VTI1A: variants seen among roughly 807,000 people sequenced by gnomAD.
The protein encoded by VTI1A is vesicle transport through interaction with t-SNAREs homolog 1A.
VTI1A carries 22 observed loss-of-function variants against 34.9 expected under a neutral mutation model. The observed-to-expected ratio is 0.63, with a 90% confidence interval of 0.45 to 0.90. The LOEUF (loss-of-function observed/expected upper bound fraction) is 0.90. Ranked by LOEUF, VTI1A falls within the 40% of genes least tolerant of loss-of-function variation. VTI1A has a pLI of 0.00. For missense variants in VTI1A, 268 were observed against 275.6 expected (o/e 0.97, Z 0.20); for synonymous variants, 87 against 97.3 (o/e 0.89, Z 0.62).
intron 7 of VTI1A, among the ~76,000 whole-genome samples, chr10:112,727,143 GC>G (rs921726113): frequency 6.6e-6 from 1 of 151,980 alleles, no homozygotes; most frequent in South Asian, 2.1e-4. Flanking sequence ...ATGCAAAAAG[GC>G]CCCCCCATCA....
At chr10:112,665,363 G>T (rs1590044854) in intron 5 of VTI1A, among the ~76,000 whole-genome samples, 1 of 150,930 alleles carries the variant, frequency 6.6e-6, no homozygotes, top group African/African-American at 2.4e-5. Context: ...TTCCGTAATA[G>T]TAATCATTGT....
intron 1 of VTI1A, among the ~76,000 whole-genome samples, chr10:112,459,234 A>G (rs111391167): frequency 1.3e-5 from 2 of 151,852 alleles, no homozygotes; most frequent in Non-Finnish European, 2.9e-5. Context: ...AACTAACTAT[A>G]TCTCTCTCTC....
At chr10:112,718,999 G>T (rs1849703096) in intron 7 of VTI1A, among the ~76,000 whole-genome samples, 1 of 152,214 alleles carries the variant, frequency 6.6e-6, no homozygotes, top group Non-Finnish European at 1.5e-5. Context: ...CTAGAGGTCA[G>T]TGTTTTCAAT....
intron 3 of VTI1A, among the ~76,000 whole-genome samples, chr10:112,488,670 G>C (rs1848725534): frequency 6.6e-6 from 1 of 152,064 alleles, no homozygotes; most frequent in Non-Finnish European, 1.5e-5. Context: ...AGTCATGCAG[G>C]ACTCTGGCTT....
chr10:112,762,583 C>T (rs1851505244), intron 7 of VTI1A, among the ~76,000 whole-genome samples: 1 of 152,200 alleles, frequency 6.6e-6, no homozygotes, highest in Admixed American at 6.5e-5. Flanking sequence ...ATAACTTCAA[C>T]AGGACTGACT....
intron 5 of VTI1A, among the ~76,000 whole-genome samples, chr10:112,577,373 AC>A (rs990459716): frequency 6.6e-6 from 1 of 152,230 alleles, no homozygotes; most frequent in Non-Finnish European, 1.5e-5. Flanking sequence ...AGTTAGACAT[AC>A]CAGTCAAGCT....
the VTI1A span, among the ~76,000 whole-genome samples, chr10:112,854,416 G>A: frequency 6.6e-6 from 1 of 152,170 alleles, no homozygotes; most frequent in Non-Finnish European, 1.5e-5. Flanking sequence ...AGGTCTCCCT[G>A]ACTCCAAAGC....
Position 112,447,323 on chromosome 10 carries a change from G to A in VTI1A, c.-51G>A. The A allele has an allele frequency of 6.3e-7, 1 of 1,581,024 alleles. No individual in the cohort carries two copies. The highest frequency in any genetic ancestry group is 8.6e-7 in the Non-Finnish European group (1 of 1,161,316). On this transcript the variant is annotated 5_prime_UTR_variant, in exon 1 of 8. Transcript: ENST00000393077. ...GCGGGGCCCCTCGCTGCCCCTCGAG[G>A]CCCTTTCCCTGACCTAGGCTTTGGC...
chr10:112,837,458 C>T, the VTI1A span, among the ~76,000 whole-genome samples: 10 of 152,170 alleles, frequency 6.6e-5, no homozygotes, highest in East Asian at 1.9e-4. Context: ...GATTTCCAGG[C>T]GTGGTTGCGT....
At chr10:112,604,402 A>T (rs1844993829) in intron 5 of VTI1A, among the ~76,000 whole-genome samples, 1 of 152,114 alleles carries the variant, frequency 6.6e-6, no homozygotes, top group East Asian at 1.9e-4. Context: ...TCTCTATCCT[A>T]TTCTTCTCTT....
chr10:112,450,516 A>G (rs1465608866), intron 1 of VTI1A: 1 of 152,230 alleles, frequency 6.6e-6, no homozygotes, highest in East Asian at 1.9e-4. Context: ...CAGCCAAAGC[A>G]GTTAATTCCC....
At chr10:112,624,744 T>G (rs941004633) in intron 5 of VTI1A, among the ~76,000 whole-genome samples, 2 of 152,218 alleles carry the variant, frequency 1.3e-5, no homozygotes, top group African/African-American at 4.8e-5. Context: ...CGATATGTTT[T>G]CTGCCAAATA....
At position 112,506,579 on chromosome 10, in the gene VTI1A, C is replaced by G. The variant is rs182923221; in HGVS notation, c.265-20508C>G. Among the ~76,000 whole-genome samples, 683 of 152,304 alleles carry G rather than the reference C, an allele frequency of 4.5e-3. 4 individuals carry two copies. The highest frequency in any genetic ancestry group is 6.2e-3 in the Non-Finnish European group (422 of 68,010). On this transcript the variant is annotated intron_variant, in intron 3 of 7. Transcript: ENST00000393077. Reference sequence around the variant, plus strand: ...CGTTACACACTGGAATTCCATTCACCTGTCTCTCACCATTTTGCTCTTGTT... The same window carrying G: ...CGTTACACACTGGAATTCCATTCACGTGTCTCTCACCATTTTGCTCTTGTT...
At chr10:112,658,504 T>C (rs1046763691) in intron 5 of VTI1A, among the ~76,000 whole-genome samples, 1 of 152,188 alleles carries the variant, frequency 6.6e-6, no homozygotes, top group Non-Finnish European at 1.5e-5. Context: ...TGAACAAAAA[T>C]TTCCTGAGCA....
chr10:112,763,643 G>C (rs567449939), intron 7 of VTI1A, among the ~76,000 whole-genome samples: 2 of 152,106 alleles, frequency 1.3e-5, no homozygotes, highest in East Asian at 1.9e-4. Flanking sequence ...ATCCTGCTTC[G>C]CTGAGTTGTG....
chr10:112,712,723 C>A (rs1159274084), intron 7 of VTI1A, among the ~76,000 whole-genome samples: 1 of 152,192 alleles, frequency 6.6e-6, no homozygotes, highest in African/African-American at 2.4e-5. Context: ...ACTTCACTTT[C>A]CACTGCTGCA....
At position 112,447,330 on chromosome 10, in the gene VTI1A, C is replaced by G. The variant is rs758269063; in HGVS notation, c.-44C>G. On this transcript the variant is annotated 5_prime_UTR_variant, in exon 1 of 8. Transcript: ENST00000393077. ...CCCTCGCTGCCCCTCGAGGCCCTTT[C>G]CCTGACCTAGGCTTTGGCCTGGGCT... is the stretch of plus-strand genomic sequence containing the variant. 1 of 1,595,908 alleles carries G rather than the reference C, an allele frequency of 6.3e-7. No homozygotes were observed. The highest frequency in any genetic ancestry group is 2.3e-5 in the East Asian group (1 of 43,962).
At chr10:112,709,601 T>C (rs1308567871) in intron 7 of VTI1A, among the ~76,000 whole-genome samples, 1 of 151,714 alleles carries the variant, frequency 6.6e-6, no homozygotes, top group African/African-American at 2.4e-5. Flanking sequence ...CATCTTTCAG[T>C]TCCCTGTCTT....
At chr10:112,460,255 A>C (rs1223551702) in intron 1 of VTI1A, among the ~76,000 whole-genome samples, 1 of 152,218 alleles carries the variant, frequency 6.6e-6, no homozygotes, top group African/African-American at 2.4e-5. Flanking sequence ...CTAAAGGGCA[A>C]CATAATTTTT....
Sources: gnomAD v4.1 joint callset for allele counts (sites outside exome capture counted in the v4.1 genomes callset) on GRCh38, gnomAD v4.1.1 for gene constraint, MANE v1.5 for transcripts, NCBI Gene and HGNC (gene_info 2026-07-23, HGNC 2026-07-21) for gene names.